ZNF573: variants seen among roughly 807,000 people sequenced by gnomAD.
ZNF573 encodes zinc finger protein 573.
In ZNF573, 41 loss-of-function variants were observed where a neutral mutation model predicts 57.4. The ratio of observed to expected loss-of-function variants is 0.71; its 90% CI spans 0.56 to 0.93. The LOEUF (loss-of-function observed/expected upper bound fraction) is 0.93, where lower values mean the gene tolerates loss of function less well. ZNF573 is among the 40% of genes least tolerant of loss of function. The probability of loss-of-function intolerance (pLI) is 0.00; values close to 1 mark genes in which losing one functional copy is unlikely to be tolerated. For synonymous variants in ZNF573, 249 were observed against 261.0 expected, an observed-to-expected ratio of 0.95 and a Z score of 0.44; for missense variants, 730 against 794.8, an observed-to-expected ratio of 0.92 and a Z score of 0.98.
Position 37,739,336 on chromosome 19 carries a change from A to C in ZNF573, c.1154T>G (p.Leu385Arg), listed in dbSNP as rs1221635890. Residue 385 changes from leucine (L) to arginine (R), a missense_variant, in exon 5 of 5, where the codon CTT (leucine) becomes CGT (arginine). Transcript: ENST00000536220. The part of the protein sequence containing the change: ...RHQNIHTGEK[L>R]FECKQCGKTY... Reference sequence around the variant, plus strand: ...CTTCCCACATTGCTTGCATTCAAAAAGTTTCTCACCAGTATGAATATTCTG... The same window carrying C: ...CTTCCCACATTGCTTGCATTCAAAACGTTTCTCACCAGTATGAATATTCTG... 2 of 1,613,518 alleles carry C rather than the reference A, an allele frequency of 1.2e-6. No individual in the cohort carries two copies. Among genetic ancestry groups the C allele is most frequent in the Non-Finnish European group, 1.7e-6 (2 of 1,179,880 alleles).
chr19:37,756,207 T>C (rs1237979730), intron 4 of ZNF573, among the ~76,000 whole-genome samples: 1 of 152,188 alleles, frequency 6.6e-6, no homozygotes. Flanking sequence ...GAATAAGAGA[T>C]CTTTAGATCA....
chr19:37,778,015 ACT>A (rs2045726397), intron 1 of ZNF573, among the ~76,000 whole-genome samples: 1 of 118,546 alleles, frequency 8.4e-6, no homozygotes, highest in Admixed American at 1.0e-4. Context: ...ACAGAGCGAG[ACT>A]CTGTCTCAAA....
intron 4 of ZNF573, among the ~76,000 whole-genome samples, chr19:37,750,159 C>T (rs907963194): frequency 6.6e-6 from 1 of 151,576 alleles, no homozygotes; most frequent in Non-Finnish European, 1.5e-5. Flanking sequence ...CTCGGCTCAC[C>T]ACAACCTCCG....
chr19:37,758,216 T>C (rs371561664), intron 4 of ZNF573, among the ~76,000 whole-genome samples: 1 of 5,572 alleles, frequency 1.8e-4, no homozygotes, highest in South Asian at 4.5e-3. Flanking sequence ...TATATATATA[T>C]ATATATATAT....
intron 1 of ZNF573, among the ~76,000 whole-genome samples, chr19:37,775,010 C>CT (rs199643444): frequency 0.011 from 1,627 of 141,678 alleles, 14 homozygotes; most frequent in African/African-American, 0.023. Context: ...TAAACTCTCT[C>CT]TCTTTTTTTT....
intron 1 of ZNF573, among the ~76,000 whole-genome samples, chr19:37,776,253 A>G (rs1444161738): frequency 2.0e-5 from 3 of 152,348 alleles, no homozygotes; most frequent in Admixed American, 2.0e-4. Flanking sequence ...GACAATCGTT[A>G]CCAAAACAGC....
chr19:37,765,964 T>C (rs1255419165), intron 4 of ZNF573, among the ~76,000 whole-genome samples: 2 of 151,712 alleles, frequency 1.3e-5, no homozygotes, highest in Non-Finnish European at 2.9e-5. Flanking sequence ...GGCTTGAACC[T>C]GGGAGGTGGA....
At chr19:37,759,564 A>C (rs1022037966) in intron 4 of ZNF573, among the ~76,000 whole-genome samples, 1 of 152,038 alleles carries the variant, frequency 6.6e-6, no homozygotes, top group Admixed American at 6.6e-5. Context: ...TGTTTCTACT[A>C]AAAATACAAA....
At chr19:37,758,205 ATATATATATATATATATATATATAT>A (rs1568420269) in intron 4 of ZNF573, among the ~76,000 whole-genome samples, 12,536 of 36,044 alleles carry the variant, frequency 0.35, 2,906 homozygotes, top group South Asian at 0.49. Context: ...ATAATAAAAT[ATATATATATATATATATATATATAT>A]ATATATATAT....
intron 4 of ZNF573, among the ~76,000 whole-genome samples, chr19:37,757,260 G>A (rs2045497520): frequency 6.6e-6 from 1 of 152,072 alleles, no homozygotes; most frequent in Non-Finnish European, 1.5e-5. Flanking sequence ...ACAGTCGCAT[G>A]ATCTTGGCTC....
chr19:37,744,341 T>G (rs1460872984), intron 4 of ZNF573, among the ~76,000 whole-genome samples: 1 of 151,722 alleles, frequency 6.6e-6, no homozygotes, highest in Non-Finnish European at 1.5e-5. Context: ...GGGGTTCACA[T>G]GGTTTGAATG....
chr19:37,753,223 A>G (rs1187849616), intron 4 of ZNF573, among the ~76,000 whole-genome samples: 1 of 152,108 alleles, frequency 6.6e-6, no homozygotes, highest in Admixed American at 6.6e-5. Context: ...AAATTTTATT[A>G]TTATTTTAAT....
chr19:37,775,842 C>CAAA (rs11390183), intron 1 of ZNF573, among the ~76,000 whole-genome samples: 10 of 125,200 alleles, frequency 8.0e-5, no homozygotes, highest in Non-Finnish European at 1.2e-4. Context: ...ACAACAGCTG[C>CAAA]AAAAAAAAAA....
In ZNF573 at chr19:37,752,070, T is replaced by C. The variant is rs940778868; in HGVS notation, c.296-11876A>G. On this transcript the variant is annotated intron_variant, in intron 4 of 4. Transcript: ENST00000536220. Reference sequence around the variant, plus strand: ...GTACAGTATATAGACAGAAAGACTATGTGTGTATATATATACACATACACT... The same window carrying C: ...GTACAGTATATAGACAGAAAGACTACGTGTGTATATATATACACATACACT... 3.3e-5 allele frequency among the ~76,000 whole-genome samples: 5 copies of C among 149,852 alleles called. 1 individual carries two copies. The highest frequency in any genetic ancestry group is 4.1e-4 in the South Asian group (2 of 4,832).
intron 4 of ZNF573, among the ~76,000 whole-genome samples, chr19:37,767,511 G>C (rs1419231816): frequency 6.6e-6 from 1 of 152,150 alleles, no homozygotes; most frequent in Non-Finnish European, 1.5e-5. Context: ...GGGATTACAG[G>C]CGTGAGCCAC....
chr19:37,742,059 T>C (rs576933265), intron 4 of ZNF573, among the ~76,000 whole-genome samples: 3 of 152,202 alleles, frequency 2.0e-5, no homozygotes, highest in Non-Finnish European at 4.4e-5. Flanking sequence ...AAATCATGAA[T>C]GAACTCCCAT....
rs566082505 is a variant in ZNF573 at position 37,771,520 on chromosome 19, T to G, written c.202+44A>C. 16 of 1,591,058 alleles carry G rather than the reference T, an allele frequency of 1.0e-5. No individual in the cohort carries two copies. In the East Asian group the frequency reaches 3.7e-4, roughly 36 times the overall value. On this transcript the variant is annotated intron_variant, in intron 3 of 4. Transcript: ENST00000536220. ...AAATTCATTGTGTTGAAAGGTAACATATCACAGATCACATTTTAAATTACT... is the reference window on the plus strand; with the variant it reads ...AAATTCATTGTGTTGAAAGGTAACAGATCACAGATCACATTTTAAATTACT...
intron 4 of ZNF573, among the ~76,000 whole-genome samples, chr19:37,741,804 C>G (rs982497493): frequency 6.6e-6 from 1 of 152,082 alleles, no homozygotes; most frequent in Non-Finnish European, 1.5e-5. Context: ...TTATTCAACA[C>G]AGTACTGGAA....
intron 4 of ZNF573, chr19:37,758,982 A>C (rs1397243768): frequency 2.0e-5 from 8 of 402,926 alleles, no homozygotes; most frequent in Non-Finnish European, 2.3e-5. Context: ...ATCAATAATA[A>C]CTAATTATAG....
Sources: gnomAD v4.1 joint callset for allele counts (sites outside exome capture counted in the v4.1 genomes callset) on GRCh38, gnomAD v4.1.1 for gene constraint, MANE v1.5 for transcripts, NCBI Gene and HGNC (gene_info 2026-07-23, HGNC 2026-07-21) for gene names.